Variants in GALNT3 observed in about 807,000 individuals in gnomAD.
GALNT3 encodes GalNAc transferase 3.
Under a neutral mutation model 69.8 loss-of-function variants are expected in GALNT3, and 51 were observed. The ratio of observed to expected loss-of-function variants is 0.73; its 90% CI spans 0.58 to 0.92. GALNT3 has a LOEUF of 0.92. Among genes scored for constraint, GALNT3 ranks in the 40% least tolerant of loss-of-function variants. The pLI, the probability that GALNT3 is intolerant of heterozygous loss-of-function variation, is 0.00. For synonymous variants in GALNT3, 265 were observed against 248.5 expected (o/e 1.07, Z -0.63); for missense variants, 711 against 760.0 (o/e 0.94, Z 0.76).
intron 9 of GALNT3, among the ~76,000 whole-genome samples, chr2:165,751,510 G>T (rs1436575020): frequency 1.3e-5 from 2 of 152,048 alleles, no homozygotes; most frequent in African/African-American, 4.8e-5. Flanking sequence ...GGTAACAAAG[G>T]CTGTCGAGTA....
At chr2:165,782,487 C>A (rs549783382) in intron 1 of GALNT3, among the ~76,000 whole-genome samples, 24 of 152,106 alleles carry the variant, frequency 1.6e-4, no homozygotes, top group Non-Finnish European at 3.4e-4. Flanking sequence ...GGCCCATGGG[C>A]CACAGGTTAA....
At chr2:165,790,610 C>A (rs764703327) in intron 1 of GALNT3, among the ~76,000 whole-genome samples, 22 of 151,954 alleles carry the variant, frequency 1.4e-4, no homozygotes, top group Non-Finnish European at 1.2e-4. Context: ...TTTCTAAAAT[C>A]CTAAATATGA....
chr2:165,758,757 A>T lies in GALNT3; in HGVS notation c.1181T>A (p.Met394Lys). 2 of 1,549,668 alleles carry T rather than the reference A, an allele frequency of 1.3e-6. No individual in the cohort carries two copies. Among genetic ancestry groups the T allele is most frequent in the Non-Finnish European group, 1.8e-6 (2 of 1,121,656 alleles). ...MEIWGGENIEMSFRVWQCGGQ... is the reference protein window; with the variant it reads ...MEIWGGENIEKSFRVWQCGGQ... ...TTTCCATAAACTTACTCTGAAAGAC[A>T]TTTCTATATTTTCACCTCCCCAGAT... is the stretch of plus-strand genomic sequence containing the variant. The change falls in exon 6 of 11, where the codon ATG becomes AAG. Residue 394 changes from methionine (M) to lysine (K), a missense_variant. By Grantham distance (95) the Met-to-Lys change is moderately conservative (BLOSUM62 -1). Transcript: ENST00000392701.
chr2:165,753,454 G>A (rs1227022423), intron 9 of GALNT3, among the ~76,000 whole-genome samples: 1 of 150,954 alleles, frequency 6.6e-6, no homozygotes, highest in Non-Finnish European at 1.5e-5. Flanking sequence ...AAAATGTGTG[G>A]ACACCCAGTC....
intron 2 of GALNT3, among the ~76,000 whole-genome samples, chr2:165,767,930 A>G (rs544039957): frequency 2.1e-4 from 29 of 137,396 alleles, no homozygotes; most frequent in East Asian, 1.5e-3. Flanking sequence ...CTGGAGTGCA[A>G]TGGTGCAATC....
intron 5 of GALNT3, among the ~76,000 whole-genome samples, chr2:165,759,088 C>A (rs981379284): frequency 3.3e-5 from 5 of 152,122 alleles, no homozygotes; most frequent in African/African-American, 1.2e-4. Context: ...CTTCTCCTAA[C>A]CATGCTTTAC....
At chr2:165,757,856 T>A (rs1238597830) in intron 6 of GALNT3, among the ~76,000 whole-genome samples, 1 of 152,206 alleles carries the variant, frequency 6.6e-6, no homozygotes, top group Non-Finnish European at 1.5e-5. Context: ...TGGCAAATCA[T>A]GAAATCAATG....
At chr2:165,783,052 T>A (rs1240362156) in intron 1 of GALNT3, among the ~76,000 whole-genome samples, 1 of 152,160 alleles carries the variant, frequency 6.6e-6, no homozygotes, top group Non-Finnish European at 1.5e-5. Flanking sequence ...CAGCTTTTCA[T>A]TGTGGGAGAT....
rs1453314831 is a variant in GALNT3, at chr2:165,770,767, A to T, written c.-67T>A. 1.3e-6 allele frequency: 2 copies of T among 1,548,942 alleles called. No individual in the cohort carries two copies. Among genetic ancestry groups the T allele is most frequent in the African/African-American group, 2.7e-5 (2 of 73,124 alleles). ...TCTTCTTCTGTTACTTATATTTTTT[A>T]TCATAGATTTGCTGAGAAGAAGGTA... On this transcript the variant is annotated 5_prime_UTR_variant, in exon 2 of 11. Coordinates refer to ENST00000392701, the MANE Select transcript of GALNT3 (RefSeq NM_004482.4).
intron 1 of GALNT3, among the ~76,000 whole-genome samples, chr2:165,781,185 G>A (rs1683099300): frequency 6.6e-6 from 1 of 152,126 alleles, no homozygotes; most frequent in Non-Finnish European, 1.5e-5. Context: ...CTGTACTGCT[G>A]GGCTTGCTGC....
rs886286203 is a variant in GALNT3, at chr2:165,767,869, C to T, written c.515+2317G>A. 2.1e-3 allele frequency among the ~76,000 whole-genome samples: 176 copies of T among 82,466 alleles called. 1 individual carries two copies. Among genetic ancestry groups the T allele is most frequent in the South Asian group, 4.8e-3 (11 of 2,292 alleles). The allele number at this position is 82,466 out of a possible 152,430, so 54.1% of individuals were successfully genotyped here. On this transcript the variant is annotated intron_variant, in intron 2 of 10. Transcript: ENST00000392701. ...GTTACATTCAAAGTAAAAAACAAAT[C>T]TTTTTTTTTTTTTTTTTTTTTTTGA...
At chr2:165,780,933 C>G (rs989206976) in intron 1 of GALNT3, among the ~76,000 whole-genome samples, 1 of 152,106 alleles carries the variant, frequency 6.6e-6, no homozygotes, top group Non-Finnish European at 1.5e-5. Flanking sequence ...GAAACTTGGT[C>G]CACATGATAA....
chr2:165,761,939 T>C lies in GALNT3; in HGVS notation c.804A>G (p.Ala268=). ...CTAAAAATGTGAGCGTTTCAGCTGT[T>C]GCGACTGTTGCTCCTAGCAACCGAG... is the stretch of plus-strand genomic sequence containing the variant. ...ITARLLGATV[A]TAETLTFLDA... Residue 268 remains alanine, a synonymous_variant, in exon 4 of 11, where the codon GCA becomes GCG. Transcript: ENST00000392701. 1 of 1,614,156 alleles carries C rather than the reference T, an allele frequency of 6.2e-7. No individual in the cohort carries two copies. Among genetic ancestry groups the C allele is most frequent in the Non-Finnish European group, 8.5e-7 (1 of 1,180,008 alleles).
chr2:165,766,701 G>A (rs115372584), intron 2 of GALNT3, among the ~76,000 whole-genome samples: 702 of 60,992 alleles, frequency 0.012, 8 homozygotes, highest in African/African-American at 0.025. Context: ...CCTCTGCCAG[G>A]GCCAATGGGG....
chr2:165,788,934 C>T (rs556836634), intron 1 of GALNT3, among the ~76,000 whole-genome samples: 2 of 152,246 alleles, frequency 1.3e-5, no homozygotes, highest in East Asian at 1.9e-4. Context: ...AAAGATCATC[C>T]TCATCCTCCA....
rs1688555952 is a variant in GALNT3 at position 165,761,885 on chromosome 2, A to AG, written c.838+19_838+20insC. On this transcript the variant is annotated intron_variant, in intron 4 of 10. Transcript: ENST00000392701. ...GAGGGAGGGAAAATGTTACAACCAT[A>AG]TCCATACATATATACTTACAGTGAG... is the stretch of plus-strand genomic sequence containing the variant. The AG allele has an allele frequency of 6.2e-7, 1 of 1,613,140 alleles. No homozygotes were observed. The highest frequency in any genetic ancestry group is 8.5e-7 in the Non-Finnish European group (1 of 1,179,242).
chr2:165,761,977 C>G lies in GALNT3; in HGVS notation c.766G>C (p.Gly256Arg), dbSNP rs748192875. Residue 256 changes from glycine (G) to arginine (R), a missense_variant, in exon 4 of 11, where the codon GGT (glycine) becomes CGT (arginine). Transcript: ENST00000392701. ...CCTAGCAACCGAGCAGTGATCAGAC[C>G]TTTTCTTTCTCTTTGTCTGACTATT... The part of the protein sequence containing the change: ...VKIVRQRERK[G>R]LITARLLGAT... The G allele has an allele frequency of 3.1e-6, 5 of 1,612,704 alleles. No individual in the cohort carries two copies. In the East Asian group the frequency reaches 6.7e-5, roughly 22 times the overall value.
chr2:165,774,182 T>C (rs1035865467), intron 1 of GALNT3, among the ~76,000 whole-genome samples: 7 of 152,288 alleles, frequency 4.6e-5, no homozygotes, highest in Admixed American at 2.0e-4. Flanking sequence ...AGGTAGATAT[T>C]CATCAACCTG....
At chr2:165,756,984 G>T in intron 7 of GALNT3, 63 bp downstream of exon 7, 1 of 1,286,714 alleles carries the variant, frequency 7.8e-7, no homozygotes, top group Non-Finnish European at 1.1e-6. Flanking sequence ...ATGAATCGAC[G>T]CAAAAGGACG....
Sources: gnomAD v4.1 joint callset for allele counts (sites outside exome capture counted in the v4.1 genomes callset) on GRCh38, gnomAD v4.1.1 for gene constraint, MANE v1.5 for transcripts, NCBI Gene and HGNC (gene_info 2026-07-23, HGNC 2026-07-21) for gene names.